Variants in RAVER1 observed in about 807,000 individuals in gnomAD.
RAVER1 encodes the protein ribonucleoprotein, PTB binding 1.
RAVER1 carries 36 observed loss-of-function variants against 68.4 expected under a neutral mutation model. The ratio of observed to expected loss-of-function variants is 0.53; its 90% confidence interval spans 0.40 to 0.70. RAVER1 has a LOEUF of 0.70. Among genes scored for constraint, RAVER1 ranks in the 30% least tolerant of loss-of-function variants. RAVER1 has a pLI of 0.00. For synonymous variants in RAVER1, 469 were observed against 472.7 expected, an observed-to-expected ratio of 0.99 and a Z score of 0.10; for missense variants, 933 against 1,019.8, an observed-to-expected ratio of 0.91 and a Z score of 1.16.
chr19:10,320,419 G>C lies in RAVER1; in HGVS notation c.1770+236C>G, dbSNP rs544638739. ...CTCAGGAGACTGAGGTGTGAGGATC[G>C]CTTGAGCCCAAGAGGTTGAGGCTGC... On this transcript the variant is annotated intron_variant, in intron 9 of 12. Transcript: ENST00000617231. 2.2e-3 allele frequency among the ~76,000 whole-genome samples: 336 copies of C among 151,000 alleles called. 1 individual carries two copies. The highest frequency in any genetic ancestry group is 3.3e-3 in the Non-Finnish European group (224 of 67,824).
At position 10,328,204 on chromosome 19, in the gene RAVER1, A is replaced by G. The variant is rs550546587; in HGVS notation, c.756+438T>C. ...GAGTGGTGAGCAAGCCTCGAGATCC[A>G]TAGTTACAAGAGTGGCCTTGCATGC... On this transcript the variant is annotated intron_variant, in intron 3 of 12. Coordinates refer to ENST00000617231, the MANE Select transcript of RAVER1 (RefSeq NM_133452.3). The surrounding 1 kb of genome is among the most constrained non-coding windows in gnomAD (Gnocchi z 4.4). Among the ~76,000 whole-genome samples, 1 of 152,296 alleles carries G rather than the reference A, an allele frequency of 6.6e-6. No individual in the cohort carries two copies. Among genetic ancestry groups the G allele is most frequent in the African/African-American group, 2.4e-5 (1 of 41,574 alleles).
chr19:10,325,198 A>AT (rs2040466311), intron 3 of RAVER1, among the ~76,000 whole-genome samples: 1 of 150,924 alleles, frequency 6.6e-6, no homozygotes, highest in Non-Finnish European at 1.5e-5. Flanking sequence ...TTTTTTTTCT[A>AT]TTTTTAATAG....
At position 10,317,231 on chromosome 19, in the gene RAVER1, C is replaced by T. The variant is rs1365311789; in HGVS notation, c.*223G>A. The T allele has an allele frequency of 8.6e-6, 5 of 584,596 alleles. No individual in the cohort carries two copies. The highest frequency in any genetic ancestry group is 1.9e-5 in the African/African-American group (1 of 52,988). The allele number at this position is 584,596 out of a possible 1,614,324, so 36.2% of individuals were successfully genotyped here. Reference sequence around the variant, plus strand: ...CCGGGGCCCCTCTCTCTTAAGGCTGCAGGGTTTCAGCGTGGGGAGCAAGCC... The same window carrying T: ...CCGGGGCCCCTCTCTCTTAAGGCTGTAGGGTTTCAGCGTGGGGAGCAAGCC... On this transcript the variant is annotated 3_prime_UTR_variant, in exon 13 of 13. Coordinates refer to ENST00000617231, the MANE Select transcript of RAVER1 (RefSeq NM_133452.3). The surrounding 1 kb of genome is among the most constrained non-coding windows in gnomAD (Gnocchi z 4.3).
At position 10,328,722 on chromosome 19, in the gene RAVER1, C is replaced by A; in HGVS notation, c.676G>T (p.Asp226Tyr). The change falls in exon 3 of 13, where the codon GAC becomes TAC. Residue 226 changes from aspartate to tyrosine, a missense_variant. Transcript: ENST00000617231. The surrounding 1 kb of genome is among the most constrained non-coding windows in gnomAD (Gnocchi z 4.4). The part of the protein sequence containing the change: ...ALLHSRCLCV[D>Y]RLPPGFNDVD... Reference sequence around the variant, plus strand: ...TCGTTGAAGCCAGGTGGCAGGCGGTCCACACAGAGGCAGCGGGAGTGGAGA... The same window carrying A: ...TCGTTGAAGCCAGGTGGCAGGCGGTACACACAGAGGCAGCGGGAGTGGAGA... 6.2e-7 allele frequency: 1 copy of A among 1,611,394 alleles called. No individual in the cohort carries two copies. The highest frequency in any genetic ancestry group is 8.5e-7 in the Non-Finnish European group (1 of 1,179,260).
Position 10,317,106 on chromosome 19 carries a change from A to T in RAVER1, c.*348T>A. 2.9e-6 allele frequency: 1 copy of T among 341,360 alleles called. No homozygotes were observed. The highest frequency in any genetic ancestry group is 5.4e-6 in the Non-Finnish European group (1 of 184,666). The allele number at this position is 341,360 out of a possible 1,614,324, so 21.1% of individuals were successfully genotyped here. ...TCACGGGAGGTCAGGGAAACCTCCAAGGCACTCGAAAGGCCAAAATTACAG... is the reference window on the plus strand; with the variant it reads ...TCACGGGAGGTCAGGGAAACCTCCATGGCACTCGAAAGGCCAAAATTACAG... On this transcript the variant is annotated 3_prime_UTR_variant, in exon 13 of 13. Transcript: ENST00000617231. The surrounding 1 kb of genome is among the most constrained non-coding windows in gnomAD (Gnocchi z 4.3).
chr19:10,330,624 A>C, intron 1 of RAVER1, 98 bp from the exon 2 acceptor site: 1 of 643,322 alleles, frequency 1.6e-6, no homozygotes. Context: ...AGGCAGGTCA[A>C]TTACCACCCC....
Position 10,323,376 on chromosome 19 carries a change from G to A in RAVER1, c.947C>T (p.Thr316Met), listed in dbSNP as rs757753127. The A allele has an allele frequency of 1.1e-5, 18 of 1,604,048 alleles. No homozygotes were observed. Among genetic ancestry groups the A allele is most frequent in the African/African-American group, 4.0e-5 (3 of 74,652 alleles). ...CCACCTCTGCCCGCACAGGCTCACC[G>A]TGGCCTGGGCAGCGATGAGAGCGGC... ...MLAALIAAQA[T>M]ALNRGKGLLP... Residue 316 changes from threonine (T) to methionine (M), a missense_variant and splice_region_variant, in exon 4 of 13, where the codon ACG becomes ATG. Thr to Met is a moderately conservative substitution (Grantham distance 81, BLOSUM62 -1). Around this residue, in one of 3 missense-constraint regions of RAVER1, gnomAD observed 699 missense variants for 731.1 expected, o/e 0.96. Transcript: ENST00000617231. The surrounding 1 kb of genome is among the most constrained non-coding windows in gnomAD (Gnocchi z 6.2).
intron 1 of RAVER1, among the ~76,000 whole-genome samples, chr19:10,331,386 ACAACAAC>A (rs2040516346): frequency 4.8e-5 from 5 of 104,486 alleles, no homozygotes; most frequent in Admixed American, 1.1e-4. Context: ...AAAAAAAATA[ACAACAAC>A]AAAAAAAAAA....
Position 10,321,198 on chromosome 19 carries a change from G to C in RAVER1, c.1323C>G (p.Ser441=). Residue 441 remains serine, a synonymous_variant, in exon 8 of 13, where the codon TCC becomes TCG. Coordinates refer to ENST00000617231, the MANE Select transcript of RAVER1 (RefSeq NM_133452.3). The stretch of plus-strand genomic sequence containing the variant: ...GGTCACCCCCAGCAGGGCCAAGCAC[G>C]GATGGCAGCAGGGGTGGTGGCTTCC... ...RRGKPPPLLP[S]VLGPAGGDRE... 2.3e-6 allele frequency: 3 copies of C among 1,281,452 alleles called. No individual in the cohort carries two copies. The highest frequency in any genetic ancestry group is 3.0e-6 in the Non-Finnish European group (3 of 1,010,936). 79.4% of individuals were successfully genotyped at this position (1,281,452 alleles called of 1,614,324 possible). A position where few individuals can be genotyped will look rare whatever the true frequency, so the allele number is the denominator to read the frequency against.
intron 1 of RAVER1, among the ~76,000 whole-genome samples, chr19:10,332,858 G>A (rs2040532634): frequency 6.6e-6 from 1 of 152,132 alleles, no homozygotes; most frequent in Non-Finnish European, 1.5e-5. Flanking sequence ...CGCGTGATAT[G>A]GAGGGGCGTA....
Position 10,318,261 on chromosome 19 carries a change from G to A in RAVER1, c.1957C>T (p.Gln653Ter). Residue 653 changes from glutamine (Q) to a stop codon, truncating the protein, a stop_gained, in exon 11 of 13, where the codon CAG becomes TAG. Coordinates refer to ENST00000617231, the MANE Select transcript of RAVER1 (RefSeq NM_133452.3). LOFTEE classifies it high-confidence loss of function. The part of the protein sequence containing the change: ...SPTSYFTSGL[Q>*]AGLKQSHLSK... Reference sequence around the variant, plus strand: ...AGGTGGCTCTGCTTGAGGCCAGCCTGCAGGCCGCTGGTGAAGTAGGAAGTG... The same window carrying A: ...AGGTGGCTCTGCTTGAGGCCAGCCTACAGGCCGCTGGTGAAGTAGGAAGTG... 6.2e-7 allele frequency: 1 copy of A among 1,605,440 alleles called. No homozygotes were observed. Among genetic ancestry groups the A allele is most frequent in the Admixed American group, 1.7e-5 (1 of 58,904 alleles).
chr19:10,327,209 C>T (rs976728657), intron 3 of RAVER1, among the ~76,000 whole-genome samples: 10 of 152,024 alleles, frequency 6.6e-5, no homozygotes, highest in Non-Finnish European at 1.5e-4. Context: ...CCCACTTACA[C>T]GAGAGGGACC....
chr19:10,333,275 G>GC lies in RAVER1; in HGVS notation c.219+13dup, dbSNP rs750058064. 2.1e-4 allele frequency: 336 copies of GC among 1,605,112 alleles called. No homozygotes were observed. Among genetic ancestry groups the GC allele is most frequent in the African/African-American group, 2.3e-4 (17 of 74,632 alleles). On this transcript the variant is annotated intron_variant, in intron 1 of 12. Coordinates refer to ENST00000617231, the MANE Select transcript of RAVER1 (RefSeq NM_133452.3). The surrounding 1 kb of genome is among the most constrained non-coding windows in gnomAD (Gnocchi z 4.2). Reference sequence around the variant, plus strand: ...GTATTTCCCGCCACGCTCCTACACCGCCCCCCCCAATACCTGGTTGGTCAC... The same window carrying GC: ...GTATTTCCCGCCACGCTCCTACACCGCCCCCCCCCAATACCTGGTTGGTCAC...
intron 3 of RAVER1, among the ~76,000 whole-genome samples, chr19:10,324,726 A>G (rs537405861): frequency 6.6e-6 from 1 of 152,308 alleles, no homozygotes; most frequent in South Asian, 2.1e-4. Flanking sequence ...CAGAGGGGTC[A>G]CAGAGTGATC....
chr19:10,323,631 G>A lies in RAVER1; in HGVS notation c.757-65C>T. On this transcript the variant is annotated intron_variant, in intron 3 of 12. Coordinates refer to ENST00000617231, the MANE Select transcript of RAVER1 (RefSeq NM_133452.3). The surrounding 1 kb of genome is among the most constrained non-coding windows in gnomAD (Gnocchi z 6.2). ...CAGTGACTGCACCACCCCGGGAAGT[G>A]ACAACCGTAACCAGACTCAGCTGCC... 1 of 1,507,630 alleles carries A rather than the reference G, an allele frequency of 6.6e-7. No homozygotes were observed. The highest frequency in any genetic ancestry group is 8.9e-7 in the Non-Finnish European group (1 of 1,126,650). The allele number at this position is 1,507,630 out of a possible 1,614,324, so 93.4% of individuals were successfully genotyped here.
At chr19:10,331,255 CAGG>C (rs1339901439) in intron 1 of RAVER1, among the ~76,000 whole-genome samples, 2 of 147,948 alleles carry the variant, frequency 1.4e-5, no homozygotes, top group East Asian at 4.0e-4. Flanking sequence ...GAGGCTGAGG[CAGG>C]AGAATGGCGT....
Position 10,322,749 on chromosome 19 carries a change from G to A in RAVER1, c.1079-10C>T, listed in dbSNP as rs1197596693. ...GGGGCACCCAGGAGGCCTGGAGGGAGACATAGGAGGATGTGTGGGGGTCCC... is the reference window on the plus strand; with the variant it reads ...GGGGCACCCAGGAGGCCTGGAGGGAAACATAGGAGGATGTGTGGGGGTCCC... On this transcript the variant is annotated splice_polypyrimidine_tract_variant and intron_variant, in intron 5 of 12. Coordinates refer to ENST00000617231, the MANE Select transcript of RAVER1 (RefSeq NM_133452.3). This position sits in a 1 kb window ranked among gnomAD's most constrained non-coding sequence, Gnocchi z 4.3. 2.4e-5 allele frequency: 35 copies of A among 1,450,064 alleles called. No homozygotes were observed. Among genetic ancestry groups the A allele is most frequent in the Non-Finnish European group, 3.1e-5 (34 of 1,100,222 alleles). 89.8% of individuals were successfully genotyped at this position (1,450,064 alleles called of 1,614,324 possible). A position where few individuals can be genotyped will look rare whatever the true frequency, so the allele number is the denominator to read the frequency against.
In RAVER1 at chr19:10,316,348, T is replaced by C. The variant is rs1465537404; in HGVS notation, c.*1106A>G. On this transcript the variant is annotated 3_prime_UTR_variant, in exon 13 of 13. Transcript: ENST00000617231. ...CAAGGGAGGGAAGCTGGTGGCCCAGTTGGCTGGGGGCAAGGCCCAGGGTCA... is the reference window on the plus strand; with the variant it reads ...CAAGGGAGGGAAGCTGGTGGCCCAGCTGGCTGGGGGCAAGGCCCAGGGTCA... 3.6e-6 allele frequency: 4 copies of C among 1,117,596 alleles called. No individual in the cohort carries two copies. The highest frequency in any genetic ancestry group is 4.4e-6 in the Non-Finnish European group (4 of 912,908). 69.2% of individuals were successfully genotyped at this position (1,117,596 alleles called of 1,614,324 possible).
At chr19:10,326,530 A>G (rs1249833179) in intron 3 of RAVER1, among the ~76,000 whole-genome samples, 2 of 151,970 alleles carry the variant, frequency 1.3e-5, no homozygotes, top group Non-Finnish European at 2.9e-5. Flanking sequence ...CCGCAACCGC[A>G]GTCTTCTGGG....
Sources: allele counts gnomAD v4.1 joint callset (sites outside exome capture counted in the v4.1 genomes callset), GRCh38; gene constraint gnomAD v4.1.1; regional missense constraint gnomAD v4.1.1; non-coding constraint Gnocchi (gnomAD v3.1); transcripts MANE v1.5; gene names NCBI Gene and HGNC (gene_info 2026-07-23, HGNC 2026-07-21).